The following SESN2 variants were observed in gnomAD, a reference collection of about 807,000 sequenced individuals.
SESN2 encodes the protein sestrin 2.
A neutral mutation model predicts 56.0 loss-of-function variants in SESN2; 42 were observed. The observed-to-expected ratio is 0.75, with a 90% CI of 0.59 to 0.97. The LOEUF is 0.97. Ranked by LOEUF, SESN2 falls within the 50% of genes least tolerant of loss-of-function variation. SESN2 has a pLI of 0.00. For synonymous variants in SESN2, 264 were observed against 267.1 expected (o/e 0.99, Z 0.11); for missense variants, 507 against 649.4 (o/e 0.78, Z 2.38).
intron 2 of SESN2, among the ~76,000 whole-genome samples, chr1:28,269,958 T>C (rs1647699029): frequency 6.6e-6 from 1 of 152,204 alleles, no homozygotes; most frequent in African/African-American, 2.4e-5. Flanking sequence ...TTATGGAGCT[T>C]ACATTCTAGT....
Position 28,259,803 on chromosome 1 carries a change from G to T in SESN2, c.-45G>T. 7.4e-7 allele frequency: 1 copy of T among 1,346,248 alleles called. No homozygotes were observed. Among genetic ancestry groups the T allele is most frequent in the Non-Finnish European group, 9.6e-7 (1 of 1,041,680 alleles). 83.4% of individuals were successfully genotyped at this position (1,346,248 alleles called of 1,614,324 possible). ...GGGCGTCCCTCCGAAACCCACTCGG[G>T]TGCACGGGTCGTCGGCGAGCCGCGA... On this transcript the variant is annotated 5_prime_UTR_variant, in exon 1 of 10. Coordinates refer to ENST00000253063, the MANE Select transcript of SESN2 (RefSeq NM_031459.5).
At chr1:28,274,003 T>C in intron 6 of SESN2, 37 bp from the exon 7 acceptor site, 3 of 1,345,292 alleles carry the variant, frequency 2.2e-6, no homozygotes, top group Non-Finnish European at 2.1e-6. Flanking sequence ...GCATGCCCCA[T>C]GCCTCAGCCT....
At chr1:28,266,896 A>G (rs934718943) in intron 1 of SESN2, among the ~76,000 whole-genome samples, 13 of 151,954 alleles carry the variant, frequency 8.6e-5, no homozygotes, top group Non-Finnish European at 1.5e-4. Flanking sequence ...TGTTGTTGTT[A>G]TTGCTGAAAG....
chr1:28,262,621 C>CCAAAA (rs1647414878), intron 1 of SESN2, among the ~76,000 whole-genome samples: 1 of 52,500 alleles, frequency 1.9e-5, no homozygotes, highest in Non-Finnish European at 3.2e-5. Flanking sequence ...GAGTCTGTCT[C>CCAAAA]AAAAAAAAAA....
chr1:28,276,329 A>G (rs1216329003), intron 8 of SESN2, among the ~76,000 whole-genome samples: 1 of 151,856 alleles, frequency 6.6e-6, no homozygotes, highest in Non-Finnish European at 1.5e-5. Context: ...AAAAATAAAA[A>G]TTAGCTGAGT....
At chr1:28,274,766 G>C in intron 7 of SESN2, 59 bp from the exon 8 acceptor site, 2 of 1,309,438 alleles carry the variant, frequency 1.5e-6, no homozygotes. Context: ...AGAGGATGGG[G>C]GTCTCTCTGG....
rs1048427272 is a variant in SESN2, at chr1:28,274,110, G to A, written c.972G>A (p.Glu324=). 5 of 1,614,014 alleles carry A rather than the reference G, an allele frequency of 3.1e-6. No homozygotes were observed. In the African/African-American group the frequency reaches 6.7e-5, roughly 22 times the overall value. ...CFVEDPTFGY[E]DFTRRGAQAP... ...TGGAAGACCCTACTTTCGGATATGA[G>A]GACTTCACTCGGAGAGGGGCTCAGG... is the stretch of plus-strand genomic sequence containing the variant. Residue 324 remains glutamate, a synonymous_variant, in exon 7 of 10, where the codon GAG becomes GAA. Coordinates refer to ENST00000253063, the MANE Select transcript of SESN2 (RefSeq NM_031459.5).
chr1:28,269,999 A>G (rs936902012), intron 2 of SESN2, among the ~76,000 whole-genome samples: 18 of 152,354 alleles, frequency 1.2e-4, no homozygotes, highest in Admixed American at 3.3e-4. Context: ...CCTTCAAAAC[A>G]TGCAGAAAAA....
intron 5 of SESN2, 142 bp from the exon 6 acceptor site, chr1:28,273,216 C>A: frequency 1.5e-6 from 1 of 678,734 alleles, no homozygotes; most frequent in Non-Finnish European, 2.3e-6. Context: ...ACCCCATGTG[C>A]TGTCCAGCAC....
chr1:28,275,751 CA>C (rs941244598), intron 8 of SESN2, among the ~76,000 whole-genome samples: 4 of 145,584 alleles, frequency 2.7e-5, no homozygotes, highest in Non-Finnish European at 4.5e-5. Flanking sequence ...GACTCTGTCT[CA>C]AAAAAAAAAT....
intron 1 of SESN2, among the ~76,000 whole-genome samples, chr1:28,263,497 G>C (rs988934275): frequency 6.6e-6 from 1 of 152,172 alleles, no homozygotes; most frequent in Non-Finnish European, 1.5e-5. Flanking sequence ...CTGGGGGTGA[G>C]GGAAGGAGAA....
chr1:28,280,606 TGTAG>T (rs1435662862), intron 9 of SESN2, 106 bp from the exon 10 acceptor site: 5 of 816,822 alleles, frequency 6.1e-6, no homozygotes, highest in Non-Finnish European at 1.0e-5. Flanking sequence ...GGGGCAGCTC[TGTAG>T]GAAAGGAAAT....
At chr1:28,263,715 A>G (rs1161282692) in intron 1 of SESN2, among the ~76,000 whole-genome samples, 2 of 152,068 alleles carry the variant, frequency 1.3e-5, no homozygotes, top group Non-Finnish European at 2.9e-5. Flanking sequence ...CTGCTTCCCA[A>G]AGCTGTTATT....
chr1:28,271,053 G>A (rs1204802703), intron 2 of SESN2, among the ~76,000 whole-genome samples: 2 of 152,174 alleles, frequency 1.3e-5, no homozygotes, highest in East Asian at 1.9e-4. Flanking sequence ...AGGCTTTGGA[G>A]TTCATCTGGA....
At chr1:28,273,329 A>C in intron 5 of SESN2, 29 bp from the exon 6 acceptor site, 2 of 1,530,608 alleles carry the variant, frequency 1.3e-6, no homozygotes, top group Non-Finnish European at 1.8e-6. Context: ...GAGGAGGAGT[A>C]GCTGGTCACC....
intron 8 of SESN2, among the ~76,000 whole-genome samples, chr1:28,275,783 G>A (rs949875047): frequency 6.6e-6 from 1 of 151,886 alleles, no homozygotes; most frequent in Admixed American, 6.6e-5. Context: ...GCCAGGCGCG[G>A]TGGCTCATGC....
intron 8 of SESN2, among the ~76,000 whole-genome samples, chr1:28,276,873 C>T (rs1259327072): frequency 6.9e-6 from 1 of 145,820 alleles, no homozygotes; most frequent in Non-Finnish European, 1.5e-5. Context: ...GACACTGCGC[C>T]CAGCCTTTTT....
At chr1:28,265,922 A>G (rs1328269143) in intron 1 of SESN2, among the ~76,000 whole-genome samples, 1 of 152,134 alleles carries the variant, frequency 6.6e-6, no homozygotes, top group Non-Finnish European at 1.5e-5. Context: ...TTACACTAAA[A>G]TATTGCACAC....
chr1:28,277,045 T>C (rs935296083), intron 8 of SESN2, among the ~76,000 whole-genome samples: 17 of 151,962 alleles, frequency 1.1e-4, no homozygotes, highest in Non-Finnish European at 2.5e-4. Flanking sequence ...GTACCTGGGA[T>C]TACAGGCACA....
Sources: allele counts gnomAD v4.1 joint callset (sites outside exome capture counted in the v4.1 genomes callset), GRCh38; gene constraint gnomAD v4.1.1; transcripts MANE v1.5; gene names NCBI Gene and HGNC (gene_info 2026-07-23, HGNC 2026-07-21).